Variants in ING5 observed in about 807,000 individuals in gnomAD.
ING5 encodes the protein inhibitor of growth protein 5.
Under a neutral mutation model 37.4 loss-of-function variants are expected in ING5, and 17 were observed. The ratio of observed to expected loss-of-function variants is 0.45; its 90% confidence interval spans 0.31 to 0.68. The LOEUF is 0.68. Among genes scored for constraint, ING5 ranks in the 30% least tolerant of loss-of-function variants. The pLI, the probability that ING5 is intolerant of heterozygous loss-of-function variation, is 0.05. For synonymous variants in ING5, 123 were observed against 116.6 expected (o/e 1.06, Z -0.36); for missense variants, 233 against 311.9 (o/e 0.75, Z 1.91).
At position 241,720,688 on chromosome 2, in the gene ING5, C is replaced by T. The variant is rs563948668; in HGVS notation, c.483-2251C>T. 5.7e-4 allele frequency: 557 copies of T among 985,552 alleles called. 3 individuals carry two copies. In the African/African-American group the frequency reaches 8.8e-3, roughly 16 times the overall value. 61.1% of individuals were successfully genotyped at this position (985,552 alleles called of 1,614,324 possible). On this transcript the variant is annotated intron_variant, in intron 5 of 7. Coordinates refer to ENST00000313552, the MANE Select transcript of ING5 (RefSeq NM_032329.6). ...GGAAGGGCTCGCTGGCACCGTCTGG[C>T]GAGGGGTGCCTGCCACACCCTGGGG...
chr2:241,718,497 A>G (rs1202331253), intron 5 of ING5, among the ~76,000 whole-genome samples: 1 of 149,084 alleles, frequency 6.7e-6, no homozygotes, highest in East Asian at 2.0e-4. Context: ...GCTCACTGCA[A>G]GCTCCGCCTC....
intron 5 of ING5, among the ~76,000 whole-genome samples, chr2:241,716,575 G>A (rs1346801882): frequency 6.6e-6 from 1 of 152,050 alleles, no homozygotes; most frequent in Non-Finnish European, 1.5e-5. Flanking sequence ...GATTACAGGC[G>A]TGAGCCACTG....
chr2:241,722,941 C>T lies in ING5; in HGVS notation c.485C>T (p.Ser162Phe). The T allele has an allele frequency of 1.2e-6, 2 of 1,613,908 alleles. No individual in the cohort carries two copies. Among genetic ancestry groups the T allele is most frequent in the Non-Finnish European group, 1.7e-6 (2 of 1,180,016 alleles). Residue 162 changes from serine (S) to phenylalanine (F), a missense_variant and splice_region_variant, in exon 6 of 8, where the codon TCT becomes TTT. Transcript: ENST00000313552. ...TGCCTGTGCCCTGTCCCCTGCAGGT[C>T]TGAGTTCACTGACACCATCCTGTCC... is the stretch of plus-strand genomic sequence containing the variant. ...TPKKKKHKGG[S>F]EFTDTILSVH...
At chr2:241,722,129 G>GAC (rs1484745190) in intron 5 of ING5, 27 of 985,314 alleles carry the variant, frequency 2.7e-5, no homozygotes, top group Non-Finnish European at 2.9e-5. Context: ...CAGGACGCAT[G>GAC]GCTGTTCTCT....
At chr2:241,713,203 C>T (rs1392112872) in intron 5 of ING5, among the ~76,000 whole-genome samples, 10 of 151,016 alleles carry the variant, frequency 6.6e-5, no homozygotes, top group Admixed American at 1.3e-4. Flanking sequence ...ACTACAAGTG[C>T]GCACCACCAT....
intron 5 of ING5, chr2:241,721,494 G>T (rs952371868): frequency 6.1e-6 from 6 of 985,596 alleles, no homozygotes; most frequent in Non-Finnish European, 6.0e-6. Flanking sequence ...GAGTGTGTGT[G>T]TATGTGTACA....
At position 241,721,866 on chromosome 2, in the gene ING5, C is replaced by T. The variant is rs989909786; in HGVS notation, c.483-1073C>T. On this transcript the variant is annotated intron_variant, in intron 5 of 7. Transcript: ENST00000313552. Reference sequence around the variant, plus strand: ...GAGGTCTGTGGTCCTGGTGGGACGGCCATGGTGCTACAGGTGGCAGGCTTG... The same window carrying T: ...GAGGTCTGTGGTCCTGGTGGGACGGTCATGGTGCTACAGGTGGCAGGCTTG... 15 of 985,404 alleles carry T rather than the reference C, an allele frequency of 1.5e-5. No homozygotes were observed. In the African/African-American group the frequency reaches 2.6e-4, roughly 17 times the overall value. 61.0% of individuals were successfully genotyped at this position (985,404 alleles called of 1,614,324 possible).
chr2:241,704,844 C>A (rs2069854311), intron 2 of ING5, 120 bp downstream of exon 2: 2 of 784,254 alleles, frequency 2.6e-6, no homozygotes, highest in Middle Eastern at 3.1e-4. Context: ...ATTGGCCTAG[C>A]CCTGGGCCGT....
rs552841700 is a variant in ING5 at position 241,725,528 on chromosome 2, C to A, written c.*497C>A. Reference sequence around the variant, plus strand: ...CCTCACACTCGGCTCCGCGCCGCCTCCGGCCACCGTGCGCTCCCGCGTGGG... The same window carrying A: ...CCTCACACTCGGCTCCGCGCCGCCTACGGCCACCGTGCGCTCCCGCGTGGG... On this transcript the variant is annotated 3_prime_UTR_variant, in exon 8 of 8. Transcript: ENST00000313552. The A allele has an allele frequency of 6.6e-6, 1 of 152,330 alleles. No individual in the cohort carries two copies. Among genetic ancestry groups the A allele is most frequent in the African/African-American group, 2.4e-5 (1 of 41,536 alleles). The allele number at this position is 152,330 out of a possible 1,614,324, so 9.4% of individuals were successfully genotyped here. A position where few individuals can be genotyped will look rare whatever the true frequency, so the allele number is the denominator to read the frequency against.
intron 2 of ING5, among the ~76,000 whole-genome samples, chr2:241,691,226 G>T (rs1016149509): frequency 4.0e-5 from 6 of 150,674 alleles, no homozygotes; most frequent in Non-Finnish European, 7.4e-5. Flanking sequence ...ATCATTTGAG[G>T]TCAGGAGTTC....
intron 7 of ING5, 140 bp from the exon 8 acceptor site, chr2:241,724,849 C>A: frequency 1.3e-6 from 1 of 765,078 alleles, no homozygotes; most frequent in Non-Finnish European, 2.2e-6. Flanking sequence ...GGGAGGGCCG[C>A]GGCCCCACTG....
chr2:241,702,033 C>T (rs767855840), upstream of ING5: 28 of 1,357,826 alleles, frequency 2.1e-5, no homozygotes, highest in Non-Finnish European at 2.7e-5. Context: ...CACCGCCCGC[C>T]CGCGCAGACC....
chr2:241,699,172 A>G (rs7370714), upstream of ING5, among the ~76,000 whole-genome samples: 94,622 of 151,300 alleles, frequency 0.63, 29,729 homozygotes, highest in African/African-American at 0.68. Flanking sequence ...TTGCAGGCCC[A>G]TGCCCACCAC....
chr2:241,690,729 T>G, intron 2 of ING5: 1 of 397,926 alleles, frequency 2.5e-6, no homozygotes. Flanking sequence ...GAAATGGAGT[T>G]GGCCACAGGC....
intron 2 of ING5, among the ~76,000 whole-genome samples, chr2:241,705,062 G>A (rs535001455): frequency 4.5e-4 from 69 of 152,120 alleles, no homozygotes; most frequent in Admixed American, 4.6e-4. Context: ...CTTTTTGGCC[G>A]TTTGATATTT....
At chr2:241,689,415 T>G (rs1403364216) in intron 1 of ING5, among the ~76,000 whole-genome samples, 1 of 152,214 alleles carries the variant, frequency 6.6e-6, no homozygotes, top group Non-Finnish European at 1.5e-5. Flanking sequence ...TGGCCTACCC[T>G]TTCTTCCTTT....
At chr2:241,714,554 G>A (rs953192088) in intron 5 of ING5, among the ~76,000 whole-genome samples, 1 of 150,878 alleles carries the variant, frequency 6.6e-6, no homozygotes, top group African/African-American at 2.4e-5. Context: ...CCCTCTTTCA[G>A]TCCTGATACT....
At chr2:241,720,533 G>T in intron 5 of ING5, 1 of 991,130 alleles carries the variant, frequency 1.0e-6, no homozygotes, top group East Asian at 1.1e-4. Context: ...TTGCTCTGGC[G>T]AGGCAGAACC....
chr2:241,714,701 C>A (rs553625582), intron 5 of ING5, among the ~76,000 whole-genome samples: 1 of 151,888 alleles, frequency 6.6e-6, no homozygotes, highest in South Asian at 2.1e-4. Context: ...TGTCCCCAGG[C>A]TCAAGTGATT....
Sources: gnomAD v4.1 joint callset for allele counts (sites outside exome capture counted in the v4.1 genomes callset) on GRCh38, gnomAD v4.1.1 for gene constraint, MANE v1.5 for transcripts, NCBI Gene and HGNC (gene_info 2026-07-23, HGNC 2026-07-21) for gene names.